The following POP1 variants were observed in gnomAD, a reference collection of about 807,000 sequenced individuals.
POP1 encodes the protein POP1 ribonuclease P/MRP subunit.
Under a neutral mutation model 102.2 loss-of-function variants are expected in POP1, and 75 were observed. That is an observed-to-expected ratio of 0.73 (90% confidence interval 0.61 to 0.89). The LOEUF is 0.89. Among genes scored for constraint, POP1 ranks in the 40% least tolerant of loss-of-function variants. The pLI, the probability that POP1 is intolerant of heterozygous loss-of-function variation, is 0.00. For missense variants in POP1, 1,116 were observed against 1,267.4 expected (o/e 0.88, Z 1.81); for synonymous variants, 436 against 464.1 (o/e 0.94, Z 0.78).
chr8:98,157,184 TG>T (rs1274593338), intron 15 of POP1, among the ~76,000 whole-genome samples: 2 of 152,194 alleles, frequency 1.3e-5, no homozygotes, highest in Non-Finnish European at 2.9e-5. Context: ...GCCTGTGCTT[TG>T]ATTTTTAAAA....
At chr8:98,139,093 C>T (rs553058248) in intron 9 of POP1, among the ~76,000 whole-genome samples, 143 of 152,218 alleles carry the variant, frequency 9.4e-4, no homozygotes, top group African/African-American at 2.7e-3. Context: ...TCAAGTGACC[C>T]GCCTGCCTCG....
intron 12 of POP1, 57 bp from the exon 13 acceptor site, chr8:98,148,758 G>C: frequency 6.9e-7 from 1 of 1,441,394 alleles, no homozygotes; most frequent in African/African-American, 1.4e-5. Context: ...GGGAGACCCA[G>C]GAGGATCTCC....
intron 1 of POP1, among the ~76,000 whole-genome samples, chr8:98,117,618 G>C (rs1439428466): frequency 1.3e-5 from 2 of 152,118 alleles, no homozygotes; most frequent in Non-Finnish European, 2.9e-5. Flanking sequence ...GCCCCGCCGG[G>C]TGGAGGCCGT....
chr8:98,141,694 C>G (rs979791533), intron 11 of POP1, among the ~76,000 whole-genome samples: 5 of 151,130 alleles, frequency 3.3e-5, no homozygotes, highest in Non-Finnish European at 5.9e-5. Context: ...GCTGAAATTA[C>G]AGGCATCCAC....
chr8:98,118,638 C>T (rs1183293582), intron 1 of POP1, among the ~76,000 whole-genome samples: 2 of 152,108 alleles, frequency 1.3e-5, no homozygotes, highest in African/African-American at 2.4e-5. Context: ...ATTGGCCAGG[C>T]TGGTCTCCAA....
chr8:98,147,278 C>T (rs1809381334), intron 12 of POP1, among the ~76,000 whole-genome samples: 1 of 152,170 alleles, frequency 6.6e-6, no homozygotes, highest in African/African-American at 2.4e-5. Context: ...AACTGACTCT[C>T]AGATGGGAGC....
chr8:98,118,965 C>T (rs572832225), intron 1 of POP1, among the ~76,000 whole-genome samples: 11 of 152,142 alleles, frequency 7.2e-5, no homozygotes, highest in South Asian at 6.2e-4. Context: ...GCTTCGATTT[C>T]TTCATTTATA....
intron 4 of POP1, 85 bp from the exon 5 acceptor site, chr8:98,129,893 A>G: frequency 6.8e-7 from 1 of 1,464,108 alleles, no homozygotes; most frequent in Non-Finnish European, 9.5e-7. Flanking sequence ...CACTTAATCT[A>G]AAGTTATTTG....
At chr8:98,148,374 C>T (rs1809415804) in intron 12 of POP1, among the ~76,000 whole-genome samples, 1 of 152,234 alleles carries the variant, frequency 6.6e-6, no homozygotes, top group African/African-American at 2.4e-5. Context: ...TAATTTTAAA[C>T]ATCTTCTATT....
At chr8:98,125,728 C>T (rs910700720) in intron 2 of POP1, among the ~76,000 whole-genome samples, 10 of 151,924 alleles carry the variant, frequency 6.6e-5, no homozygotes, top group Admixed American at 3.9e-4. Context: ...TTAGTAGAGA[C>T]GGGGTTTTAC....
At chr8:98,144,717 T>G (rs1288394281) in intron 11 of POP1, among the ~76,000 whole-genome samples, 1 of 152,140 alleles carries the variant, frequency 6.6e-6, no homozygotes, top group African/African-American at 2.4e-5. Flanking sequence ...GTGGCAGTGC[T>G]CCACAGGAAA....
intron 5 of POP1, among the ~76,000 whole-genome samples, chr8:98,130,469 T>C (rs1397761296): frequency 6.6e-6 from 1 of 152,068 alleles, no homozygotes; most frequent in Non-Finnish European, 1.5e-5. Flanking sequence ...AAGCATACAG[T>C]ATGATGAGCA....
intron 1 of POP1, among the ~76,000 whole-genome samples, chr8:98,119,327 A>G (rs1388258813): frequency 2.0e-5 from 3 of 152,224 alleles, no homozygotes; most frequent in Admixed American, 6.5e-5. Flanking sequence ...TCAAGTCTGA[A>G]TCACCAACTT....
intron 9 of POP1, among the ~76,000 whole-genome samples, chr8:98,137,412 C>G (rs925431784): frequency 6.6e-6 from 1 of 152,078 alleles, no homozygotes; most frequent in Non-Finnish European, 1.5e-5. Flanking sequence ...AAGCGATTCT[C>G]CTGCCTCAGC....
At position 98,123,384 on chromosome 8, in the gene POP1, A is replaced by G. The variant is rs1253100025; in HGVS notation, c.47A>G (p.Gln16Arg). Residue 16 changes from glutamine to arginine, a missense_variant, in exon 2 of 16, where the codon CAG becomes CGG. Coordinates refer to ENST00000401707, the MANE Select transcript of POP1 (RefSeq NM_001145860.2). ...ERKHAKKMRN[Q>R]PTNVTLSSGF... ...AAACACGCCAAGAAAATGAGAAACCAGCCTACCAATGTGACTCTGTCCTCT... is the reference window on the plus strand; with the variant it reads ...AAACACGCCAAGAAAATGAGAAACCGGCCTACCAATGTGACTCTGTCCTCT... 1 of 1,614,158 alleles carries G rather than the reference A, an allele frequency of 6.2e-7. No homozygotes were observed. The highest frequency in any genetic ancestry group is 2.2e-5 in the East Asian group (1 of 44,882).
chr8:98,141,716 G>C (rs1458444016), intron 11 of POP1, among the ~76,000 whole-genome samples: 1 of 150,408 alleles, frequency 6.6e-6, no homozygotes, highest in Non-Finnish European at 1.5e-5. Flanking sequence ...ACAACGCCTG[G>C]CTAATTTTTT....
At chr8:98,155,168 T>C (rs1484452354) in intron 14 of POP1, among the ~76,000 whole-genome samples, 1 of 152,202 alleles carries the variant, frequency 6.6e-6, no homozygotes, top group Non-Finnish European at 1.5e-5. Flanking sequence ...CAGTTCCTTG[T>C]AGCTTTCAGG....
chr8:98,121,915 G>A (rs1011346476), intron 1 of POP1, among the ~76,000 whole-genome samples: 1 of 152,054 alleles, frequency 6.6e-6, no homozygotes, highest in Admixed American at 6.6e-5. Context: ...TCGATCTCCT[G>A]ACCTCATGAT....
intron 13 of POP1, 128 bp from the exon 14 acceptor site, chr8:98,150,357 A>G: frequency 1.0e-6 from 1 of 953,522 alleles, no homozygotes; most frequent in Non-Finnish European, 1.7e-6. Flanking sequence ...ATGGTAATCC[A>G]TTGTGTGTAT....
Sources: allele counts gnomAD v4.1 joint callset (sites outside exome capture counted in the v4.1 genomes callset), GRCh38; gene constraint gnomAD v4.1.1; transcripts MANE v1.5; gene names NCBI Gene and HGNC (gene_info 2026-07-23, HGNC 2026-07-21).